The following NME6 variants were observed in gnomAD, a reference collection of about 807,000 sequenced individuals.
The protein encoded by NME6 is NME/NM23 nucleoside diphosphate kinase 6.
Under a neutral mutation model 22.2 loss-of-function variants are expected in NME6, and 16 were observed. The observed-to-expected ratio is 0.72, with a 90% CI of 0.49 to 1.09. NME6 has a LOEUF of 1.09. NME6 is among the 50% of genes least tolerant of loss of function. NME6 has a pLI of 0.00. For missense variants in NME6, 229 were observed against 239.0 expected (o/e 0.96, Z 0.28); for synonymous variants, 58 against 85.2 (o/e 0.68, Z 1.76).
intron 2 of NME6, chr3:48,298,057 G>C (rs900727286): frequency 1.0e-5 from 3 of 298,526 alleles, no homozygotes; most frequent in African/African-American, 6.9e-5. Flanking sequence ...CTTTGGCCTT[G>C]TGAGACCTTA....
downstream of NME6, among the ~76,000 whole-genome samples, chr3:48,289,366 G>A (rs764347856): frequency 1.3e-5 from 2 of 152,148 alleles, no homozygotes; most frequent in African/African-American, 2.4e-5. Flanking sequence ...ACCACACCCC[G>A]CCTAAAAAAT....
intron 2 of NME6, chr3:48,298,213 T>A: frequency 1.7e-6 from 1 of 592,360 alleles, no homozygotes. Context: ...GATATTCGGT[T>A]CTATTATTGC....
rs773045201 is a variant in NME6, at chr3:48,295,217, G to A, written c.252C>T (p.Tyr84=). The part of the protein sequence containing the change: ...EFMASGPIRA[Y]ILAHKDAIQL... ...GGATGGCATCCTTGTGGGCAAGGAT[G>A]TAGGCTCGGATTGGCCCGCTGTGAA... is the stretch of plus-strand genomic sequence containing the variant. The change falls in exon 5 of 6, where the codon TAC becomes TAT. Residue 84 remains tyrosine (Y), a synonymous_variant. Coordinates refer to ENST00000442597, the MANE Select transcript of NME6 (RefSeq NM_001308426.2). The A allele has an allele frequency of 6.2e-7, 1 of 1,613,850 alleles. No individual in the cohort carries two copies. The highest frequency in any genetic ancestry group is 8.5e-7 in the Non-Finnish European group (1 of 1,179,812).
downstream of NME6, chr3:48,291,725 C>T (rs1170159601): frequency 6.5e-6 from 1 of 152,696 alleles, no homozygotes; most frequent in African/African-American, 2.4e-5. Context: ...ACTATGTTGC[C>T]CAGGCTACAA....
At chr3:48,296,959 G>A in intron 2 of NME6, 130 bp from the exon 3 acceptor site, 1 of 652,434 alleles carries the variant, frequency 1.5e-6, no homozygotes. Context: ...ACGAGGTGGG[G>A]TGAGGTGAAG....
chr3:48,300,213 A>C, intron 1 of NME6: 1 of 456,578 alleles, frequency 2.2e-6, no homozygotes, highest in African/African-American at 2.0e-5. Context: ...TGTTCTTAGA[A>C]TAAAAACCAA....
chr3:48,289,824 GTT>G (rs961540155), downstream of NME6, among the ~76,000 whole-genome samples: 3 of 152,158 alleles, frequency 2.0e-5, no homozygotes, highest in Non-Finnish European at 4.4e-5. Flanking sequence ...TTAAATGCCT[GTT>G]ATTGAACAGA....
Position 48,296,732 on chromosome 3 carries a change from T to C in NME6, c.188A>G (p.His63Arg), listed in dbSNP as rs1257825413. ...KEDCQRFYREHEGRFFYQRLV... is the reference protein window; with the variant it reads ...KEDCQRFYREREGRFFYQRLV... The stretch of plus-strand genomic sequence containing the variant: ...CAGAGGACTACTGATCCTACCTTCA[T>C]GCTCTCGGTAAAACCTCTGGCAATC... Residue 63 changes from histidine to arginine, a missense_variant, in exon 3 of 6, where the codon CAT (histidine) becomes CGT (arginine). Transcript: ENST00000442597. 3.1e-6 allele frequency: 5 copies of C among 1,611,038 alleles called. No homozygotes were observed. In the Admixed American group the frequency reaches 5.0e-5, roughly 16 times the overall value.
In NME6 at chr3:48,298,561, G is replaced by A. The variant is rs371517115; in HGVS notation, c.-7-38C>T. The A allele has an allele frequency of 9.9e-5, 145 of 1,465,528 alleles. No homozygotes were observed. The African/African-American group carries it at 1.0e-3, about 10-fold the overall frequency. 90.8% of individuals were successfully genotyped at this position (1,465,528 alleles called of 1,614,324 possible). ...AGCTGTATTAGGAACCCTTCAGGAC[G>A]GCACTCCCAGCCTTCCCTACATTGG... On this transcript the variant is annotated intron_variant, in intron 1 of 5. Transcript: ENST00000442597.
At chr3:48,297,163 G>C (rs753986097) in intron 2 of NME6, among the ~76,000 whole-genome samples, 9 of 152,204 alleles carry the variant, frequency 5.9e-5, no homozygotes, top group Non-Finnish European at 1.0e-4. Flanking sequence ...TGATAGATGA[G>C]AAACTCTATA....
intron 1 of NME6, chr3:48,299,121 GTGGTAACAC>G (rs2035438339): frequency 5.2e-6 from 3 of 574,636 alleles, no homozygotes; most frequent in Non-Finnish European, 9.4e-6. Flanking sequence ...GCTGTCCTCA[GTGGTAACAC>G]TGAGGTCAAC....
intron 2 of NME6, chr3:48,297,496 T>A (rs1016767798): frequency 6.6e-6 from 1 of 152,568 alleles, no homozygotes; most frequent in African/African-American, 2.4e-5. Flanking sequence ...TGGGCTTACT[T>A]AGCAGTGCTA....
chr3:48,290,926 T>A (rs180849442), downstream of NME6: 3 of 258,428 alleles, frequency 1.2e-5, no homozygotes, highest in Admixed American at 1.3e-4. Context: ...CTACAACACT[T>A]ATGCTGAGTA....
intron 1 of NME6, 63 bp from the exon 2 acceptor site, chr3:48,298,586 G>C (rs1485618993): frequency 1.6e-6 from 2 of 1,244,078 alleles, no homozygotes; most frequent in South Asian, 1.5e-5. Context: ...CCCTACATTG[G>C]AGCCACGCAG....
At chr3:48,288,405 A>G (rs1455765586), downstream of NME6, among the ~76,000 whole-genome samples, 2 of 151,822 alleles carry the variant, frequency 1.3e-5, no homozygotes, top group Admixed American at 1.3e-4. Context: ...AAATTTAGAG[A>G]TGGAAGAATT....
At position 48,298,976 on chromosome 3, in the gene NME6, A is replaced by T. The variant is rs75419344; in HGVS notation, c.-7-453T>A. On this transcript the variant is annotated intron_variant, in intron 1 of 5. Coordinates refer to ENST00000442597, the MANE Select transcript of NME6 (RefSeq NM_001308426.2). ...ATAGTGCTCTCCTATCAAATCTAGAATTGGAAGATTGATGGACAGCAACTG... is the reference window on the plus strand; with the variant it reads ...ATAGTGCTCTCCTATCAAATCTAGATTTGGAAGATTGATGGACAGCAACTG... 9.4e-3 allele frequency: 6,618 copies of T among 702,994 alleles called. 288 individuals carry two copies. In the African/African-American group the frequency reaches 0.1, roughly 11 times the overall value. The allele number at this position is 702,994 out of a possible 1,614,324, so 43.5% of individuals were successfully genotyped here. A position where few individuals can be genotyped will look rare whatever the true frequency, so the allele number is the denominator to read the frequency against.
At position 48,294,527 on chromosome 3, in the gene NME6, G is replaced by A; in HGVS notation, c.*110C>T. On this transcript the variant is annotated 3_prime_UTR_variant, in exon 6 of 6. Coordinates refer to ENST00000442597, the MANE Select transcript of NME6 (RefSeq NM_001308426.2). ...GCTAGGCCCTCAGGCAGGTGGTGGT[G>A]CCCAGCAGAAATGGCACTGTAAGCC... is the stretch of plus-strand genomic sequence containing the variant. The A allele has an allele frequency of 1.8e-6, 2 of 1,140,396 alleles. No individual in the cohort carries two copies. Among genetic ancestry groups the A allele is most frequent in the South Asian group, 2.9e-5 (2 of 69,280 alleles). The allele number at this position is 1,140,396 out of a possible 1,614,324, so 70.6% of individuals were successfully genotyped here. A position where few individuals can be genotyped will look rare whatever the true frequency, so the allele number is the denominator to read the frequency against.
rs1183882289 is a variant in NME6 at position 48,298,523 on chromosome 3, C to T, written c.-7G>A. On this transcript the variant is annotated splice_region_variant and 5_prime_UTR_variant, in exon 2 of 6. Transcript: ENST00000442597. ...TTCGCAAGATTGAGGCCATCTCACTCCTGCCATTAGAGAGCTGTATTAGGA... is the reference window on the plus strand; with the variant it reads ...TTCGCAAGATTGAGGCCATCTCACTTCTGCCATTAGAGAGCTGTATTAGGA... 6.3e-7 allele frequency: 1 copy of T among 1,597,442 alleles called. No homozygotes were observed. Among genetic ancestry groups the T allele is most frequent in the Non-Finnish European group, 8.5e-7 (1 of 1,172,216 alleles).
At chr3:48,298,887 C>T in intron 1 of NME6, 1 of 693,638 alleles carries the variant, frequency 1.4e-6, no homozygotes, top group Non-Finnish European at 2.6e-6. Context: ...ATTTATACTC[C>T]TAAACAGCCT....
Sources: gnomAD v4.1 joint callset for allele counts (sites outside exome capture counted in the v4.1 genomes callset) on GRCh38, gnomAD v4.1.1 for gene constraint, MANE v1.5 for transcripts, NCBI Gene and HGNC (gene_info 2026-07-23, HGNC 2026-07-21) for gene names.